Variants in WWOX observed in about 807,000 individuals in gnomAD.
WWOX encodes the protein WW domain-containing oxidoreductase.
WWOX carries 69 observed loss-of-function variants against 46.2 expected under a neutral mutation model. The observed-to-expected ratio is 1.49, with a 90% CI of 1.23 to 1.82. WWOX has a LOEUF of 1.82. Among genes scored for constraint, WWOX ranks in the 40% most tolerant of loss-of-function variants. The pLI is 0.00. For synonymous variants in WWOX, 359 were observed against 202.6 expected (o/e 1.77, Z -6.56); for missense variants, 919 against 542.6 (o/e 1.69, Z -6.89).
At chr16:78,914,569 T>C (rs1198023349) in intron 8 of WWOX, among the ~76,000 whole-genome samples, 1 of 151,888 alleles carries the variant, frequency 6.6e-6, no homozygotes, top group African/African-American at 2.4e-5. Context: ...CAAGAACTTT[T>C]AGGCACTGTG....
At chr16:78,848,538 T>C (rs1343824705) in intron 8 of WWOX, among the ~76,000 whole-genome samples, 3 of 152,126 alleles carry the variant, frequency 2.0e-5, no homozygotes, top group African/African-American at 7.2e-5. Flanking sequence ...TGGAAAGTCC[T>C]TTATGTGGTG....
chr16:78,837,374 G>A (rs1162971922), intron 8 of WWOX, among the ~76,000 whole-genome samples: 1 of 152,140 alleles, frequency 6.6e-6, no homozygotes, highest in African/African-American at 2.4e-5. Context: ...TTTTTCCTCT[G>A]TGTTTTGTGT....
intron 8 of WWOX, among the ~76,000 whole-genome samples, chr16:78,721,815 G>A (rs937913299): frequency 1.3e-5 from 2 of 152,152 alleles, no homozygotes; most frequent in African/African-American, 2.4e-5. Flanking sequence ...CCTTTCCTAC[G>A]AATAAAGAGG....
intron 7 of WWOX, among the ~76,000 whole-genome samples, chr16:78,428,545 C>T (rs949257029): frequency 6.6e-6 from 1 of 152,180 alleles, no homozygotes; most frequent in Non-Finnish European, 1.5e-5. Flanking sequence ...ACTGTCCTTC[C>T]TGGTTTTGTC....
At chr16:79,105,206 G>A (rs1029188253) in intron 8 of WWOX, among the ~76,000 whole-genome samples, 1 of 152,108 alleles carries the variant, frequency 6.6e-6, no homozygotes, top group African/African-American at 2.4e-5. Context: ...GTGACAAAAG[G>A]GTCCTCAGTA....
chr16:78,195,633 G>A (rs1364946485), intron 5 of WWOX, among the ~76,000 whole-genome samples: 1 of 151,894 alleles, frequency 6.6e-6, no homozygotes, highest in African/African-American at 2.4e-5. Flanking sequence ...ACCAGCCTGA[G>A]CAACATGACG....
chr16:78,928,512 T>A (rs2045552280), intron 8 of WWOX, among the ~76,000 whole-genome samples: 1 of 152,172 alleles, frequency 6.6e-6, no homozygotes, highest in East Asian at 1.9e-4. Flanking sequence ...CCACTTTTCT[T>A]GTTGTGAATA....
At chr16:78,631,309 A>G (rs549566523) in intron 8 of WWOX, among the ~76,000 whole-genome samples, 1 of 152,102 alleles carries the variant, frequency 6.6e-6, no homozygotes, top group South Asian at 2.1e-4. Context: ...GCCTCACCAC[A>G]TCAGAATATT....
chr16:78,182,640 A>C (rs2035566178), intron 5 of WWOX, among the ~76,000 whole-genome samples: 1 of 151,886 alleles, frequency 6.6e-6, no homozygotes, highest in Admixed American at 6.6e-5. Context: ...AGCACCAGTG[A>C]TATGGCAGTG....
intron 4 of WWOX, chr16:78,118,850 G>T (rs1464804326): frequency 6.6e-6 from 1 of 152,152 alleles, no homozygotes; most frequent in Non-Finnish European, 1.5e-5. Context: ...TAACTGTTGG[G>T]GATGTTGCCT....
At chr16:78,813,768 C>A (rs529704739) in intron 8 of WWOX, among the ~76,000 whole-genome samples, 1 of 152,128 alleles carries the variant, frequency 6.6e-6, no homozygotes, top group Non-Finnish European at 1.5e-5. Flanking sequence ...TATGTCAGAC[C>A]AGGATGAGTG....
At position 78,138,857 on chromosome 16, in the gene WWOX, A is replaced by G. The variant is rs563134066; in HGVS notation, c.409+23703A>G. Among the ~76,000 whole-genome samples, 119 of 152,302 alleles carry G rather than the reference A, an allele frequency of 7.8e-4. 1 individual carries two copies. Among genetic ancestry groups the G allele is most frequent in the African/African-American group, 2.7e-3 (112 of 41,572 alleles). On this transcript the variant is annotated intron_variant, in intron 4 of 8. Coordinates refer to ENST00000566780, the MANE Select transcript of WWOX (RefSeq NM_016373.4). ...CTCAAAATGGGGCTTCTGAATTGCAATCATCATTTGGCATCTCTATTACCT... is the reference window on the plus strand; with the variant it reads ...CTCAAAATGGGGCTTCTGAATTGCAGTCATCATTTGGCATCTCTATTACCT...
chr16:78,931,021 A>C (rs1006226026), intron 8 of WWOX, among the ~76,000 whole-genome samples: 1 of 152,208 alleles, frequency 6.6e-6, no homozygotes, highest in African/African-American at 2.4e-5. Context: ...TCTATCTCCT[A>C]CACCTGATGT....
intron 8 of WWOX, among the ~76,000 whole-genome samples, chr16:78,598,317 ACTGT>A (rs1471293231): frequency 3.9e-5 from 6 of 152,318 alleles, no homozygotes; most frequent in Middle Eastern, 3.4e-3. Flanking sequence ...GATGTGTAAG[ACTGT>A]CTGTCACGTG....
chr16:78,994,274 G>C (rs1567467998), intron 8 of WWOX: 1 of 151,940 alleles, frequency 6.6e-6, no homozygotes, highest in Non-Finnish European at 1.5e-5. Flanking sequence ...ACCATTTAAA[G>C]AATAATTTTT....
Position 78,737,283 on chromosome 16 carries a change from T to C in WWOX, c.1056+304531T>C, listed in dbSNP as rs1053354160. Reference sequence around the variant, plus strand: ...CTTCGCTAATTTTTGTATGTATATGTGTATATATATGTATATAATATATAT... The same window carrying C: ...CTTCGCTAATTTTTGTATGTATATGCGTATATATATGTATATAATATATAT... On this transcript the variant is annotated intron_variant, in intron 8 of 8. Coordinates refer to ENST00000566780, the MANE Select transcript of WWOX (RefSeq NM_016373.4). Among the ~76,000 whole-genome samples the C allele has an allele frequency of 1.1e-4, 16 of 150,980 alleles. 1 individual carries two copies. The highest frequency in any genetic ancestry group is 2.9e-5 in the Non-Finnish European group (2 of 67,906).
intron 8 of WWOX, among the ~76,000 whole-genome samples, chr16:78,567,405 T>C (rs1053248234): frequency 1.4e-5 from 2 of 148,114 alleles, no homozygotes; most frequent in Non-Finnish European, 1.5e-5. Context: ...AAAAAAAAAT[T>C]AGCCCGGCGT....
intron 8 of WWOX, among the ~76,000 whole-genome samples, chr16:78,789,294 A>G (rs375938686): frequency 6.6e-5 from 10 of 152,176 alleles, no homozygotes; most frequent in African/African-American, 2.2e-4. Context: ...TTATGTTAAG[A>G]CTTTTGATCC....
chr16:78,931,904 T>C (rs2045631680), intron 8 of WWOX, among the ~76,000 whole-genome samples: 1 of 152,216 alleles, frequency 6.6e-6, no homozygotes. Flanking sequence ...TTTCCCATGC[T>C]GTTGTTATGA....
Sources: gnomAD v4.1 joint callset for allele counts (sites outside exome capture counted in the v4.1 genomes callset) on GRCh38, gnomAD v4.1.1 for gene constraint, MANE v1.5 for transcripts, NCBI Gene and HGNC (gene_info 2026-07-23, HGNC 2026-07-21) for gene names.